The following CHST11 variants were observed in gnomAD, a reference collection of about 807,000 sequenced individuals.
CHST11 encodes the protein C4S-1.
Under a neutral mutation model 30.4 loss-of-function variants are expected in CHST11, and 9 were observed. The ratio of observed to expected loss-of-function variants is 0.30; its 90% CI spans 0.18 to 0.52. CHST11 has a LOEUF of 0.52. Among genes scored for constraint, CHST11 ranks in the 20% least tolerant of loss-of-function variants. CHST11 has a pLI of 0.97. For synonymous variants in CHST11, 152 were observed against 187.8 expected, an observed-to-expected ratio of 0.81 and a Z score of 1.56; for missense variants, 348 against 460.6, an observed-to-expected ratio of 0.76 and a Z score of 2.24.
intron 2 of CHST11, among the ~76,000 whole-genome samples, chr12:104,734,419 G>A (rs1035326189): frequency 6.6e-6 from 1 of 152,046 alleles, no homozygotes; most frequent in Admixed American, 6.6e-5. Context: ...TCTCACCCCG[G>A]GCCCGTTGTA....
rs57308017 is a variant in CHST11 at position 104,547,525 on chromosome 12, C to T, written c.119-54381C>T. The stretch of plus-strand genomic sequence containing the variant: ...CAGATGAGCAAATGGGGTTTCCATG[C>T]CTGAGGAACAAGAAGTCTTAGGCTA... On this transcript the variant is annotated intron_variant, in intron 1 of 2. Coordinates refer to ENST00000303694, the MANE Select transcript of CHST11 (RefSeq NM_018413.6). Among the ~76,000 whole-genome samples, 1,321 of 152,182 alleles carry T rather than the reference C, an allele frequency of 8.7e-3. 13 individuals carry two copies. Among genetic ancestry groups the T allele is most frequent in the African/African-American group, 0.03 (1,234 of 41,532 alleles).
chr12:104,730,077 CAG>C (rs1237100528), intron 2 of CHST11, among the ~76,000 whole-genome samples: 1 of 152,226 alleles, frequency 6.6e-6, no homozygotes, highest in Non-Finnish European at 1.5e-5. Flanking sequence ...ACACTGAAAA[CAG>C]AGACAGTACT....
chr12:104,576,538 C>T (rs1222742593), intron 1 of CHST11, among the ~76,000 whole-genome samples: 2 of 152,158 alleles, frequency 1.3e-5, no homozygotes, highest in Non-Finnish European at 2.9e-5. Flanking sequence ...CCTCACAGAA[C>T]TTGGAAAAGA....
At chr12:104,708,374 C>T (rs1343669638) in intron 2 of CHST11, among the ~76,000 whole-genome samples, 1 of 152,216 alleles carries the variant, frequency 6.6e-6, no homozygotes, top group African/African-American at 2.4e-5. Context: ...GTCAAAGGCG[C>T]CAGCTTTCCC....
At chr12:104,521,386 T>C (rs1239862860) in intron 1 of CHST11, among the ~76,000 whole-genome samples, 2 of 152,246 alleles carry the variant, frequency 1.3e-5, no homozygotes, top group Non-Finnish European at 2.9e-5. Context: ...CCCTGCAGAC[T>C]TTTGTCTGGT....
intron 1 of CHST11, among the ~76,000 whole-genome samples, chr12:104,582,493 C>T (rs1029397203): frequency 3.3e-5 from 5 of 152,086 alleles, no homozygotes; most frequent in Non-Finnish European, 4.4e-5. Context: ...TTACTTAAAC[C>T]CCAGGCCCCT....
intron 2 of CHST11, among the ~76,000 whole-genome samples, chr12:104,613,763 C>A (rs2039082393): frequency 6.6e-6 from 1 of 152,184 alleles, no homozygotes; most frequent in Non-Finnish European, 1.5e-5. Flanking sequence ...CAAGAATGGA[C>A]TAATACAGGG....
intron 1 of CHST11, among the ~76,000 whole-genome samples, chr12:104,556,778 C>T (rs991663367): frequency 2.0e-5 from 3 of 152,092 alleles, no homozygotes; most frequent in Admixed American, 6.5e-5. Context: ...GTCAGGAGTT[C>T]GAGACCAGCC....
intron 2 of CHST11, among the ~76,000 whole-genome samples, chr12:104,674,314 A>G (rs985942856): frequency 3.9e-5 from 6 of 152,278 alleles, no homozygotes; most frequent in African/African-American, 1.4e-4. Flanking sequence ...TACGACAACC[A>G]GTGTTTCTAT....
chr12:104,470,451 AC>A (rs1458849586), intron 1 of CHST11, among the ~76,000 whole-genome samples: 1 of 151,938 alleles, frequency 6.6e-6, no homozygotes, highest in Non-Finnish European at 1.5e-5. Flanking sequence ...GGGGGAAACC[AC>A]CCCCATGATC....
chr12:104,679,371 G>T (rs1034634608), intron 2 of CHST11, among the ~76,000 whole-genome samples: 7 of 152,090 alleles, frequency 4.6e-5, no homozygotes, highest in Non-Finnish European at 8.8e-5. Context: ...CTGTAAACCC[G>T]TTGGGAGGGT....
At chr12:104,558,538 TCCCCC>T (rs71441899) in intron 1 of CHST11, among the ~76,000 whole-genome samples, 1 of 117,764 alleles carries the variant, frequency 8.5e-6, no homozygotes. Context: ...CAGCAGAAAT[TCCCCC>T]CCCCGCCCCC....
At position 104,592,102 on chromosome 12, in the gene CHST11, C is replaced by G. The variant is rs528087996; in HGVS notation, c.119-9804C>G. ...CTGGCACCTCCTCCCCTCCCCTCCC[C>G]TCTTCTCCCCTCCTCTCCCCTCCCA... On this transcript the variant is annotated intron_variant, in intron 1 of 2. Transcript: ENST00000303694. Among the ~76,000 whole-genome samples, 89 of 151,104 alleles carry G rather than the reference C, an allele frequency of 5.9e-4. 2 individuals are homozygous for G. The highest frequency in any genetic ancestry group is 2.0e-3 in the African/African-American group (83 of 41,172).
chr12:104,667,153 T>C (rs1274493346), intron 2 of CHST11, among the ~76,000 whole-genome samples: 1 of 152,184 alleles, frequency 6.6e-6, no homozygotes, highest in Non-Finnish European at 1.5e-5. Flanking sequence ...TTCCGTGAAT[T>C]TGGTCCAGCA....
At chr12:104,481,631 G>T (rs968271173) in intron 1 of CHST11, among the ~76,000 whole-genome samples, 1 of 152,068 alleles carries the variant, frequency 6.6e-6, no homozygotes, top group African/African-American at 2.4e-5. Flanking sequence ...GCAAAGATTG[G>T]CTAAGAAAGG....
intron 2 of CHST11, among the ~76,000 whole-genome samples, chr12:104,627,459 A>T (rs573246091): frequency 1.3e-5 from 2 of 152,334 alleles, no homozygotes; most frequent in South Asian, 4.1e-4. Context: ...TAGCTGCCGC[A>T]TGGACTGGAA....
chr12:104,564,138 C>A (rs1199885699), intron 1 of CHST11, among the ~76,000 whole-genome samples: 1 of 152,148 alleles, frequency 6.6e-6, no homozygotes, highest in East Asian at 1.9e-4. Flanking sequence ...GATGAGCACC[C>A]CCCAGAGTGG....
At chr12:104,598,402 G>A (rs1480269898) in intron 1 of CHST11, among the ~76,000 whole-genome samples, 2 of 152,312 alleles carry the variant, frequency 1.3e-5, no homozygotes, top group African/African-American at 4.8e-5. Flanking sequence ...ATGCTACAGT[G>A]TCTTCTGAGG....
At chr12:104,636,449 G>A (rs746695259) in intron 2 of CHST11, among the ~76,000 whole-genome samples, 15 of 152,272 alleles carry the variant, frequency 9.9e-5, no homozygotes, top group Admixed American at 2.0e-4. Flanking sequence ...TGAGGAGCTC[G>A]AAGCTCCTGT....
Sources: gnomAD v4.1 joint callset for allele counts (sites outside exome capture counted in the v4.1 genomes callset) on GRCh38, gnomAD v4.1.1 for gene constraint, MANE v1.5 for transcripts, NCBI Gene and HGNC (gene_info 2026-07-23, HGNC 2026-07-21) for gene names.